Variants in TIAM1 observed in about 807,000 individuals in gnomAD.
TIAM1 encodes rho guanine nucleotide exchange factor TIAM1.
A neutral mutation model predicts 163.5 loss-of-function variants in TIAM1; 65 were observed. That is an observed-to-expected ratio of 0.40 (90% CI 0.33 to 0.49). TIAM1 has a LOEUF of 0.49. Ranked by LOEUF, TIAM1 falls within the 20% of genes least tolerant of loss-of-function variation. The probability of loss-of-function intolerance (pLI) is 0.77; values close to 1 mark genes in which losing one functional copy is unlikely to be tolerated. For synonymous variants in TIAM1, 833 were observed against 810.1 expected (o/e 1.03, Z -0.48); for missense variants, 1,789 against 2,044.7 (o/e 0.87, Z 2.41).
chr21:31,489,248 C>G (rs1258908619), intron 1 of TIAM1, among the ~76,000 whole-genome samples: 1 of 149,936 alleles, frequency 6.7e-6, no homozygotes, highest in East Asian at 2.0e-4. Context: ...TGCACACCCA[C>G]AGTCCCAGCT....
intron 1 of TIAM1, among the ~76,000 whole-genome samples, chr21:31,551,883 T>C (rs1234258935): frequency 1.3e-5 from 2 of 152,100 alleles, no homozygotes. Flanking sequence ...AGATAATCAC[T>C]AGAAGCACTA....
intron 2 of TIAM1, among the ~76,000 whole-genome samples, chr21:31,298,774 CAG>C (rs138040478): frequency 2.9e-5 from 3 of 103,200 alleles, no homozygotes; most frequent in Admixed American, 9.4e-5. Context: ...GTGTGAGAAA[CAG>C]AGAGAGAGAG....
At chr21:31,426,793 T>C (rs910169030) in intron 2 of TIAM1, among the ~76,000 whole-genome samples, 5 of 152,038 alleles carry the variant, frequency 3.3e-5, no homozygotes, top group East Asian at 1.9e-4. Flanking sequence ...AAAAAGCAAT[T>C]TGTAAGGCCC....
chr21:31,273,088 AT>A (rs1187064392), intron 3 of TIAM1, among the ~76,000 whole-genome samples: 4 of 152,262 alleles, frequency 2.6e-5, no homozygotes, highest in African/African-American at 7.2e-5. Flanking sequence ...AAATAAAAAA[AT>A]AAAATAAAAA....
chr21:31,269,667 G>GTTTTTTTTTT (rs1383457242), intron 3 of TIAM1, among the ~76,000 whole-genome samples: 1 of 130,590 alleles, frequency 7.7e-6, no homozygotes, highest in African/African-American at 3.1e-5. Flanking sequence ...CTTTAAGTTT[G>GTTTTTTTTTT]TTTGTTTTTT....
chr21:31,215,589 A>AAAG (rs1555893145), intron 9 of TIAM1, among the ~76,000 whole-genome samples: 3,081 of 147,496 alleles, frequency 0.021, 115 homozygotes, highest in African/African-American at 0.069. Flanking sequence ...AAAAAAAAAA[A>AAAG]GAAGAGAAAT....
At chr21:31,178,672 A>T (rs1401108484) in intron 15 of TIAM1, among the ~76,000 whole-genome samples, 1 of 152,138 alleles carries the variant, frequency 6.6e-6, no homozygotes, top group Non-Finnish European at 1.5e-5. Context: ...CAAAAACAAC[A>T]AAACAATACA....
chr21:31,274,023 C>A (rs1218350610), intron 3 of TIAM1, among the ~76,000 whole-genome samples: 1 of 152,110 alleles, frequency 6.6e-6, no homozygotes, highest in Admixed American at 6.5e-5. Flanking sequence ...TCGAGACCAG[C>A]CTGGCCAACA....
At chr21:31,369,677 T>C (rs189053274) in intron 2 of TIAM1, among the ~76,000 whole-genome samples, 26 of 152,288 alleles carry the variant, frequency 1.7e-4, no homozygotes, top group African/African-American at 5.5e-4. Flanking sequence ...CTGTGTCCCA[T>C]AAATATGTAC....
At chr21:31,173,062 T>C (rs1018445462) in intron 15 of TIAM1, among the ~76,000 whole-genome samples, 19 of 152,118 alleles carry the variant, frequency 1.2e-4, no homozygotes, top group African/African-American at 4.6e-4. Flanking sequence ...AGTACAAACA[T>C]ATTAGTGCAG....
chr21:31,252,251 A>C, intron 4 of TIAM1, 62 bp from the exon 5 acceptor site: 4 of 1,540,596 alleles, frequency 2.6e-6, no homozygotes, highest in Non-Finnish European at 3.5e-6. Context: ...ACCCAGGGTC[A>C]CGTGGAGAAG....
chr21:31,135,880 T>C (rs896987051), intron 23 of TIAM1, 53 bp downstream of exon 23: 50 of 1,515,868 alleles, frequency 3.3e-5, no homozygotes, highest in Non-Finnish European at 3.9e-5. Flanking sequence ...GTTCTTGTTT[T>C]GAAAACTAAG....
In TIAM1 at chr21:31,496,621, T is replaced by A. The variant is rs533816505; in HGVS notation, c.-421-32586A>T. ...ACTGTTATTATTAAAGAAAAAAAAA[T>A]TTTTATACATTTAGTGTAGCCTAAG... On this transcript the variant is annotated intron_variant, in intron 1 of 28. Transcript: ENST00000286827. 7.4e-4 allele frequency among the ~76,000 whole-genome samples: 113 copies of A among 151,922 alleles called. 2 individuals are homozygous for A. The South Asian group carries it at 0.01, about 13-fold the overall frequency.
intron 1 of TIAM1, among the ~76,000 whole-genome samples, chr21:31,549,425 T>A (rs533155729): frequency 5.4e-4 from 82 of 152,284 alleles, no homozygotes; most frequent in Admixed American, 1.6e-3. Flanking sequence ...ATATATTTGA[T>A]AAGGGACTTA....
At chr21:31,122,797 C>T (rs533924700) in intron 27 of TIAM1, among the ~76,000 whole-genome samples, 55 of 152,248 alleles carry the variant, frequency 3.6e-4, no homozygotes, top group African/African-American at 1.2e-3. Flanking sequence ...AGTATCTGTT[C>T]CTAGTATGCT....
chr21:31,236,213 C>T (rs775315123), intron 6 of TIAM1, among the ~76,000 whole-genome samples: 2 of 152,196 alleles, frequency 1.3e-5, no homozygotes, highest in Non-Finnish European at 2.9e-5. Flanking sequence ...GATTGGGCCA[C>T]CAGAATGGTG....
At chr21:31,207,849 C>A (rs1289643840) in intron 11 of TIAM1, among the ~76,000 whole-genome samples, 1 of 152,188 alleles carries the variant, frequency 6.6e-6, no homozygotes, top group Admixed American at 6.5e-5. Context: ...CTCAGCCTCC[C>A]AAAGTACTGG....
At chr21:31,507,649 A>G (rs755386811) in intron 1 of TIAM1, among the ~76,000 whole-genome samples, 1 of 152,216 alleles carries the variant, frequency 6.6e-6, no homozygotes, top group Admixed American at 6.5e-5. Context: ...GATACGATCA[A>G]TCATGACCTA....
At chr21:31,210,645 GAAAGAAAGAAAGAAAGAAAGAA>G (rs1227095489) in intron 10 of TIAM1, among the ~76,000 whole-genome samples, 3,780 of 30,356 alleles carry the variant, frequency 0.12, 497 homozygotes, top group Non-Finnish European at 0.14. Flanking sequence ...AAGAAAGAAA[GAAAGAAAGAAAGAAAGAAAGAA>G]AAAGAAAGAA....
Sources: allele counts gnomAD v4.1 joint callset (sites outside exome capture counted in the v4.1 genomes callset), GRCh38; gene constraint gnomAD v4.1.1; transcripts MANE v1.5; gene names NCBI Gene and HGNC (gene_info 2026-07-23, HGNC 2026-07-21).